The following SYDE2 variants were observed in gnomAD, a reference collection of about 807,000 sequenced individuals.
SYDE2 encodes the protein rho GTPase-activating protein SYDE2.
In SYDE2, 76 loss-of-function variants were observed where a neutral mutation model predicts 91.5. That is an observed-to-expected ratio of 0.83 (90% CI 0.69 to 1.01). SYDE2 has a LOEUF of 1.01. Ranked by LOEUF, SYDE2 falls within the 50% of genes least tolerant of loss-of-function variation. SYDE2 has a pLI of 0.00. For missense variants in SYDE2, 1,364 were observed against 1,367.7 expected, an observed-to-expected ratio of 1.00 and a Z score of 0.04; for synonymous variants, 513 against 506.4, an observed-to-expected ratio of 1.01 and a Z score of -0.18.
chr1:85,189,237 C>A (rs1163919577), intron 2 of SYDE2, among the ~76,000 whole-genome samples: 1 of 152,142 alleles, frequency 6.6e-6, no homozygotes, highest in African/African-American at 2.4e-5. Context: ...TCAATTACTT[C>A]ATTTTTCAGT....
chr1:85,164,658 C>T lies in SYDE2; in HGVS notation c.2953G>A (p.Val985Ile). The T allele has an allele frequency of 6.3e-7, 1 of 1,581,578 alleles. No individual in the cohort carries two copies. The change falls in exon 6 of 7, where the codon GTA becomes ATA. Residue 985 changes from valine (V) to isoleucine (I), a missense_variant. Coordinates refer to ENST00000341460, the MANE Select transcript of SYDE2 (RefSeq NM_032184.2). ...CQNLAVCFGP[V>I]LLSQRQEPST... Reference sequence around the variant, plus strand: ...GGCTCTTGCCTCTGACTTAATAATACTGGTCCAAAGCACACAGCCAAATTC... The same window carrying T: ...GGCTCTTGCCTCTGACTTAATAATATTGGTCCAAAGCACACAGCCAAATTC...
intron 2 of SYDE2, 56 bp from the exon 3 acceptor site, chr1:85,183,256 T>C: frequency 6.9e-7 from 1 of 1,451,030 alleles, no homozygotes; most frequent in Non-Finnish European, 9.1e-7. Context: ...ATTTCTTTTA[T>C]TCTTATTTTA....
intron 4 of SYDE2, among the ~76,000 whole-genome samples, chr1:85,175,457 T>C (rs1657660607): frequency 6.6e-6 from 1 of 152,168 alleles, no homozygotes; most frequent in Non-Finnish European, 1.5e-5. Flanking sequence ...GCACTCCAGC[T>C]TGGGCTACAG....
downstream of SYDE2, among the ~76,000 whole-genome samples, chr1:85,155,156 A>C (rs2100637280): frequency 6.6e-6 from 1 of 152,302 alleles, no homozygotes; most frequent in African/African-American, 2.4e-5. Flanking sequence ...AGAAGCATAA[A>C]ATGATCTCGG....
intron 4 of SYDE2, 54 bp downstream of exon 4, chr1:85,178,092 C>G: frequency 7.3e-7 from 1 of 1,377,512 alleles, no homozygotes; most frequent in Non-Finnish European, 9.9e-7. Flanking sequence ...AGTTATCTTT[C>G]TTGCAGATGT....
chr1:85,174,215 T>C (rs1570245115), intron 4 of SYDE2, among the ~76,000 whole-genome samples: 1 of 152,114 alleles, frequency 6.6e-6, no homozygotes, highest in Non-Finnish European at 1.5e-5. Flanking sequence ...AGTTGAAGAT[T>C]TCAACACGCC....
Position 85,169,108 on chromosome 1 carries a change from T to C in SYDE2, c.2789A>G (p.Glu930Gly). 1 of 1,613,898 alleles carries C rather than the reference T, an allele frequency of 6.2e-7. No homozygotes were observed. Among genetic ancestry groups the C allele is most frequent in the Non-Finnish European group, 8.5e-7 (1 of 1,179,806 alleles). ...GTACTTAGAGTCACCTGGGTCATTC[T>C]CACAACCATTTGATGACATTTTCAA... ...SPLKMSSNGC[E>G]NDPGDSKYTV... The change falls in exon 5 of 7, where the codon GAG becomes GGG. Residue 930 changes from glutamate to glycine, a missense_variant. Glu to Gly is a moderately conservative substitution (Grantham distance 98). Transcript: ENST00000341460.
chr1:85,176,107 T>A (rs1333980435), intron 4 of SYDE2, among the ~76,000 whole-genome samples: 1 of 152,204 alleles, frequency 6.6e-6, no homozygotes, highest in Non-Finnish European at 1.5e-5. Context: ...TTTTTATTTA[T>A]AAGACAAAGC....
intron 1 of SYDE2, chr1:85,200,051 G>A (rs12021936): frequency 0.043 from 29,734 of 696,648 alleles, 435 homozygotes; most frequent in East Asian, 0.14. Context: ...TGATTAAAAA[G>A]AAAAAAAAAA....
intron 2 of SYDE2, among the ~76,000 whole-genome samples, chr1:85,184,503 C>T (rs1344523191): frequency 1.3e-5 from 2 of 152,118 alleles, no homozygotes; most frequent in Non-Finnish European, 2.9e-5. Flanking sequence ...AGAAACAATA[C>T]TACCCTACAT....
At chr1:85,199,955 C>G (rs1658747219) in intron 1 of SYDE2, among the ~76,000 whole-genome samples, 3 of 151,970 alleles carry the variant, frequency 2.0e-5, no homozygotes, top group Non-Finnish European at 4.4e-5. Context: ...TTATACTTAA[C>G]CTTTACTCCT....
chr1:85,159,782 T>C, intron 6 of SYDE2: 1 of 905,946 alleles, frequency 1.1e-6, no homozygotes, highest in Non-Finnish European at 1.3e-6. Context: ...CAAATTTCAC[T>C]TTGATAAAAT....
intron 5 of SYDE2, among the ~76,000 whole-genome samples, chr1:85,168,102 G>A (rs1428820882): frequency 6.7e-6 from 1 of 149,998 alleles, no homozygotes; most frequent in East Asian, 2.0e-4. Context: ...GCAACAGAGT[G>A]AGACTCCTTC....
intron 1 of SYDE2, among the ~76,000 whole-genome samples, chr1:85,195,121 C>T (rs1287056487): frequency 4.0e-5 from 6 of 151,034 alleles, no homozygotes; most frequent in Non-Finnish European, 8.8e-5. Flanking sequence ...GATCACGCCA[C>T]TGCACTCCAG....
chr1:85,166,945 T>C (rs1449184340), intron 5 of SYDE2, among the ~76,000 whole-genome samples: 1 of 152,182 alleles, frequency 6.6e-6, no homozygotes, highest in Non-Finnish European at 1.5e-5. Context: ...GCGTGGTGGT[T>C]CATGCCTATA....
chr1:85,163,367 A>G (rs186321552), intron 6 of SYDE2, among the ~76,000 whole-genome samples: 1 of 148,812 alleles, frequency 6.7e-6, no homozygotes. Context: ...CGGTCTCCCA[A>G]AGTGCTGGAA....
intron 2 of SYDE2, among the ~76,000 whole-genome samples, chr1:85,187,759 C>G (rs1658205874): frequency 6.6e-6 from 1 of 151,388 alleles, no homozygotes; most frequent in African/African-American, 2.4e-5. Flanking sequence ...AGTAAACTAT[C>G]TCAAGGACAA....
Position 85,190,081 on chromosome 1 carries a change from G to T in SYDE2, c.1417C>A (p.Pro473Thr), listed in dbSNP as rs1306347177. ...TQEGIMVEDSPMLKSPFAGSG... is the reference protein window; with the variant it reads ...TQEGIMVEDSTMLKSPFAGSG... ...CCTGCAAAAGGAGATTTCAACATGG[G>T]ACTGTCCTCCACCATTATACCTTCT... is the stretch of plus-strand genomic sequence containing the variant. The change falls in exon 2 of 7, where the codon CCC becomes ACC. Residue 473 changes from proline (P) to threonine (T), a missense_variant. Transcript: ENST00000341460. The T allele has an allele frequency of 6.2e-7, 1 of 1,611,036 alleles. No individual in the cohort carries two copies.
chr1:85,153,116 A>G (rs959194469), downstream of SYDE2: 4 of 152,296 alleles, frequency 2.6e-5, no homozygotes, highest in African/African-American at 9.6e-5. Flanking sequence ...GACAGGGGCA[A>G]TGGCAAGAGC....
Sources: gnomAD v4.1 joint callset for allele counts (sites outside exome capture counted in the v4.1 genomes callset) on GRCh38, gnomAD v4.1.1 for gene constraint, MANE v1.5 for transcripts, NCBI Gene and HGNC (gene_info 2026-07-23, HGNC 2026-07-21) for gene names.